FHIT: variants seen among roughly 807,000 people sequenced by gnomAD.
The protein encoded by FHIT is fragile histidine triad diadenosine triphosphatase.
In FHIT, 19 loss-of-function variants were observed where a neutral mutation model predicts 17.9. The ratio of observed to expected loss-of-function variants is 1.06; its 90% CI spans 0.74 to 1.56. FHIT has a LOEUF of 1.56. Among genes scored for constraint, FHIT ranks in the 40% most tolerant of loss-of-function variants. The pLI is 0.00. For missense variants in FHIT, 248 were observed against 189.2 expected, an observed-to-expected ratio of 1.31 and a Z score of -1.82; for synonymous variants, 81 against 69.7, an observed-to-expected ratio of 1.16 and a Z score of -0.81.
intron 5 of FHIT, among the ~76,000 whole-genome samples, chr3:60,259,093 G>C (rs77542554): frequency 1.3e-5 from 2 of 151,428 alleles, no homozygotes; most frequent in Non-Finnish European, 2.9e-5. Flanking sequence ...GGTTCCGAAA[G>C]ATTTTTTTCA....
In FHIT at chr3:60,222,586, C is replaced by T. The variant is rs141779438; in HGVS notation, c.104-208434G>A. On this transcript the variant is annotated intron_variant, in intron 5 of 9. Coordinates refer to ENST00000492590, the MANE Select transcript of FHIT (RefSeq NM_002012.4). Reference sequence around the variant, plus strand: ...CGGGTGGATCACGAGGTCAGGAGTTCGAGACCAGCCTGGCCAACATGATGA... The same window carrying T: ...CGGGTGGATCACGAGGTCAGGAGTTTGAGACCAGCCTGGCCAACATGATGA... 6.6e-3 allele frequency among the ~76,000 whole-genome samples: 1,008 copies of T among 152,022 alleles called. 10 individuals are homozygous for T. The highest frequency in any genetic ancestry group is 0.021 in the African/African-American group (875 of 41,470).
At chr3:60,802,352 T>C (rs1360067888) in intron 4 of FHIT, among the ~76,000 whole-genome samples, 1 of 152,182 alleles carries the variant, frequency 6.6e-6, no homozygotes, top group Non-Finnish European at 1.5e-5. Context: ...CTTGCAGACA[T>C]AATCACATGC....
intron 4 of FHIT, among the ~76,000 whole-genome samples, chr3:60,743,770 C>T (rs2042285062): frequency 6.6e-6 from 1 of 152,154 alleles, no homozygotes; most frequent in Non-Finnish European, 1.5e-5. Flanking sequence ...GATGAGGTAG[C>T]TGAGGACACA....
rs115456559 is a variant in FHIT at position 61,087,341 on chromosome 3, A to G, written c.-163-45242T>C. Among the ~76,000 whole-genome samples the G allele has an allele frequency of 4.8e-3, 734 of 152,244 alleles. 6 individuals are homozygous for G. The highest frequency in any genetic ancestry group is 0.017 in the African/African-American group (696 of 41,544). On this transcript the variant is annotated intron_variant, in intron 2 of 9. Coordinates refer to ENST00000492590, the MANE Select transcript of FHIT (RefSeq NM_002012.4). Reference sequence around the variant, plus strand: ...ACACCTTTGGGGACCACTTTTGTATATTATTATACAGATCTTAAGAGTATA... The same window carrying G: ...ACACCTTTGGGGACCACTTTTGTATGTTATTATACAGATCTTAAGAGTATA...
intron 3 of FHIT, among the ~76,000 whole-genome samples, chr3:60,923,325 T>C (rs1441572956): frequency 6.6e-6 from 1 of 152,182 alleles, no homozygotes; most frequent in African/African-American, 2.4e-5. Flanking sequence ...AACATGACAC[T>C]GCCATAACCA....
intron 2 of FHIT, among the ~76,000 whole-genome samples, chr3:61,115,187 A>G (rs1185542111): frequency 1.3e-5 from 2 of 152,210 alleles, no homozygotes; most frequent in Non-Finnish European, 2.9e-5. Flanking sequence ...AGAAAGAGAC[A>G]ATAATTAAAT....
intron 2 of FHIT, among the ~76,000 whole-genome samples, chr3:61,092,487 T>C (rs1559974931): frequency 6.6e-6 from 1 of 150,576 alleles, no homozygotes; most frequent in African/African-American, 2.5e-5. Context: ...CTCTAAAGTA[T>C]ATATGTCCCT....
intron 8 of FHIT, among the ~76,000 whole-genome samples, chr3:59,921,670 C>T (rs912834561): frequency 2.8e-4 from 31 of 109,022 alleles, no homozygotes; most frequent in Middle Eastern, 4.3e-3. Flanking sequence ...CTTATAACAG[C>T]CTGATCCATG....
intron 4 of FHIT, among the ~76,000 whole-genome samples, chr3:60,793,460 G>C (rs1175245031): frequency 3.9e-5 from 6 of 151,974 alleles, no homozygotes; most frequent in African/African-American, 1.4e-4. Flanking sequence ...CTGCTACCAC[G>C]CCCAGCTAAT....
intron 4 of FHIT, among the ~76,000 whole-genome samples, chr3:60,651,553 C>A (rs1250546294): frequency 1.4e-5 from 2 of 147,396 alleles, no homozygotes; most frequent in Non-Finnish European, 1.5e-5. Flanking sequence ...TTTTTTTTTT[C>A]AATAAATAAA....
At chr3:61,125,208 T>C (rs1048154076) in intron 2 of FHIT, among the ~76,000 whole-genome samples, 1 of 152,192 alleles carries the variant, frequency 6.6e-6, no homozygotes, top group Non-Finnish European at 1.5e-5. Context: ...ACTGGCACTT[T>C]TTTACTAAAC....
intron 3 of FHIT, among the ~76,000 whole-genome samples, chr3:60,829,483 T>C (rs1702242011): frequency 6.6e-6 from 1 of 152,236 alleles, no homozygotes; most frequent in Non-Finnish European, 1.5e-5. Flanking sequence ...GATTAATTGT[T>C]CTATTATTTG....
At chr3:60,028,403 T>C (rs776547163) in intron 5 of FHIT, among the ~76,000 whole-genome samples, 8 of 152,186 alleles carry the variant, frequency 5.3e-5, no homozygotes, top group African/African-American at 1.4e-4. Context: ...CAAATTACCA[T>C]GTAGATCATA....
intron 3 of FHIT, among the ~76,000 whole-genome samples, chr3:60,879,087 C>T (rs1236687068): frequency 6.6e-6 from 1 of 152,212 alleles, no homozygotes; most frequent in African/African-American, 2.4e-5. Flanking sequence ...AATGGTTGAA[C>T]TAGTTTACAT....
chr3:60,795,004 C>T (rs1004779054), intron 4 of FHIT, among the ~76,000 whole-genome samples: 2 of 152,180 alleles, frequency 1.3e-5, no homozygotes, highest in Admixed American at 6.5e-5. Context: ...CATTGTAATC[C>T]GTTGCTTTTG....
chr3:59,848,626 G>C (rs1429759001), intron 8 of FHIT, among the ~76,000 whole-genome samples: 3 of 152,054 alleles, frequency 2.0e-5, no homozygotes, highest in Admixed American at 6.6e-5. Flanking sequence ...TTACATTTAG[G>C]ATATATTAGA....
chr3:61,095,030 A>G (rs2035596501), intron 2 of FHIT, among the ~76,000 whole-genome samples: 1 of 152,232 alleles, frequency 6.6e-6, no homozygotes, highest in African/African-American at 2.4e-5. Flanking sequence ...GAGGACTAAG[A>G]ATTAGATACT....
chr3:59,962,364 T>C (rs1237273901), intron 7 of FHIT, among the ~76,000 whole-genome samples: 1 of 152,230 alleles, frequency 6.6e-6, no homozygotes, highest in Non-Finnish European at 1.5e-5. Context: ...GTTCAAAGTT[T>C]AGTGAGAGCC....
intron 3 of FHIT, among the ~76,000 whole-genome samples, chr3:60,955,625 T>TATATAC (rs1559862458): frequency 2.0e-5 from 1 of 49,564 alleles, no homozygotes; most frequent in African/African-American, 7.3e-5. Context: ...TATATATATA[T>TATATAC]ATATATATAC....
Sources: gnomAD v4.1 joint callset for allele counts (sites outside exome capture counted in the v4.1 genomes callset) on GRCh38, gnomAD v4.1.1 for gene constraint, MANE v1.5 for transcripts, NCBI Gene and HGNC (gene_info 2026-07-23, HGNC 2026-07-21) for gene names.